NFX1: variants seen among roughly 807,000 people sequenced by gnomAD.
The protein encoded by NFX1 is nuclear transcription factor, X-box binding 1.
A neutral mutation model predicts 137.2 loss-of-function variants in NFX1; 69 were observed. That is an observed-to-expected ratio of 0.50 (90% confidence interval 0.41 to 0.61). NFX1 has a LOEUF of 0.61. NFX1 is among the 20% of genes least tolerant of loss of function. NFX1 has a pLI of 0.00. For missense variants in NFX1, 1,167 were observed against 1,391.0 expected, an observed-to-expected ratio of 0.84 and a Z score of 2.56; for synonymous variants, 495 against 474.1, an observed-to-expected ratio of 1.04 and a Z score of -0.57.
intron 9 of NFX1, among the ~76,000 whole-genome samples, chr9:33,320,637 A>G (rs181886509): frequency 6.6e-6 from 1 of 152,346 alleles, no homozygotes; most frequent in East Asian, 1.9e-4. Flanking sequence ...TACTGAGCCT[A>G]TCTGACTCAG....
chr9:33,346,987 A>T, intron 14 of NFX1, 51 bp from the exon 15 acceptor site: 1 of 1,460,330 alleles, frequency 6.8e-7, no homozygotes, highest in Non-Finnish European at 9.6e-7. Context: ...ATAATGGTTT[A>T]CATGGCTTTA....
intron 11 of NFX1, among the ~76,000 whole-genome samples, chr9:33,333,098 G>A (rs588676): frequency 0.025 from 3,842 of 152,202 alleles, 168 homozygotes; most frequent in African/African-American, 0.087. Context: ...CACCCGCCTC[G>A]GCCTCCCAAA....
chr9:33,295,701 A>G (rs995491658), intron 2 of NFX1, among the ~76,000 whole-genome samples: 1 of 152,228 alleles, frequency 6.6e-6, no homozygotes, highest in African/African-American at 2.4e-5. Flanking sequence ...TCAAAAATGC[A>G]AATACGGGTG....
At chr9:33,303,445 C>T (rs1241686487) in intron 4 of NFX1, among the ~76,000 whole-genome samples, 177 bp downstream of exon 4, 2 of 152,166 alleles carry the variant, frequency 1.3e-5, no homozygotes, top group Admixed American at 1.3e-4. Flanking sequence ...CCTTTGTGCT[C>T]CTGGCAAGCT....
At chr9:33,324,774 A>T (rs1822515354) in intron 9 of NFX1, among the ~76,000 whole-genome samples, 1 of 151,680 alleles carries the variant, frequency 6.6e-6, no homozygotes, top group Non-Finnish European at 1.5e-5. Context: ...ATATACAAAA[A>T]AAAAATTAGC....
In NFX1 at chr9:33,307,357, C is replaced by G. The variant is rs1038111355; in HGVS notation, c.1376+58C>G. ...TGGTGGACATGCTTTGCTGGTGGCT[C>G]TAAGTAAACATACCTGGTTAGCATG... is the stretch of plus-strand genomic sequence containing the variant. On this transcript the variant is annotated intron_variant, in intron 5 of 23. Coordinates refer to ENST00000379540, the MANE Select transcript of NFX1 (RefSeq NM_002504.6). 4.9e-6 allele frequency: 7 copies of G among 1,414,764 alleles called. No homozygotes were observed. The African/African-American group carries it at 5.6e-5, about 11-fold the overall frequency. 87.6% of individuals were successfully genotyped at this position (1,414,764 alleles called of 1,614,324 possible). A position where few individuals can be genotyped will look rare whatever the true frequency, so the allele number is the denominator to read the frequency against.
intron 23 of NFX1, among the ~76,000 whole-genome samples, chr9:33,368,982 C>G (rs1486988361): frequency 6.6e-6 from 1 of 152,208 alleles, no homozygotes; most frequent in South Asian, 2.1e-4. Context: ...GGGGTTTTCT[C>G]AGAAACTGCC....
At chr9:33,329,348 C>T (rs1396433122) in intron 10 of NFX1, among the ~76,000 whole-genome samples, 1 of 152,186 alleles carries the variant, frequency 6.6e-6, no homozygotes. Flanking sequence ...TGGCTAATCT[C>T]AGTCTCCAGT....
intron 7 of NFX1, among the ~76,000 whole-genome samples, chr9:33,314,831 G>A (rs1328468330): frequency 1.3e-5 from 2 of 152,074 alleles, no homozygotes; most frequent in East Asian, 3.8e-4. Context: ...TCTTGTTTTG[G>A]GTGGTGGTCA....
intron 11 of NFX1, among the ~76,000 whole-genome samples, chr9:33,336,829 C>T (rs1823022342): frequency 6.6e-6 from 1 of 152,238 alleles, no homozygotes; most frequent in Non-Finnish European, 1.5e-5. Flanking sequence ...GGGCTGGGCG[C>T]AGTAGCTCAC....
intron 14 of NFX1, among the ~76,000 whole-genome samples, chr9:33,344,846 CA>C (rs1823356566): frequency 1.4e-5 from 2 of 145,846 alleles, no homozygotes; most frequent in African/African-American, 5.1e-5. Flanking sequence ...AGCCTGGCGA[CA>C]GACCAAGACT....
At chr9:33,322,739 G>T (rs1298093796) in intron 9 of NFX1, among the ~76,000 whole-genome samples, 1 of 152,160 alleles carries the variant, frequency 6.6e-6, no homozygotes, top group Non-Finnish European at 1.5e-5. Context: ...GCGAGAGACA[G>T]TTCATAACAA....
At chr9:33,335,232 T>TC (rs1822957011) in intron 11 of NFX1, among the ~76,000 whole-genome samples, 2 of 140,106 alleles carry the variant, frequency 1.4e-5, no homozygotes, top group South Asian at 4.4e-4. Flanking sequence ...TTTTTCTTTT[T>TC]TTTTTTTTTT....
intron 13 of NFX1, 109 bp downstream of exon 13, chr9:33,342,963 C>T: frequency 2.8e-6 from 2 of 710,918 alleles, no homozygotes; most frequent in Non-Finnish European, 4.6e-6. Flanking sequence ...TGAACTAAGC[C>T]TTCGTATTTC....
Position 33,292,611 on chromosome 9 carries a change from A to G in NFX1, c.26-1809A>G, listed in dbSNP as rs572123783. 7.2e-5 allele frequency among the ~76,000 whole-genome samples: 11 copies of G among 152,272 alleles called. No homozygotes were observed. The South Asian group carries it at 1.0e-3, about 14-fold the overall frequency. ...TTTGCCATGGCCAGTTTCCTGATCA[A>G]TGTGTCCTGTTTCCCTTCCTCATGT... On this transcript the variant is annotated intron_variant, in intron 1 of 23. Transcript: ENST00000379540.
At chr9:33,335,847 A>G (rs929215083) in intron 11 of NFX1, among the ~76,000 whole-genome samples, 7 of 152,226 alleles carry the variant, frequency 4.6e-5, no homozygotes, top group African/African-American at 1.7e-4. Context: ...TTCTAAGTTT[A>G]TCATACTGTA....
rs752676329 is a variant in NFX1, at chr9:33,318,742, G to A, written c.1600G>A (p.Gly534Ser). 8 of 1,613,986 alleles carry A rather than the reference G, an allele frequency of 5.0e-6. No individual in the cohort carries two copies. Among genetic ancestry groups the A allele is most frequent in the African/African-American group, 1.3e-5 (1 of 74,978 alleles). Reference sequence around the variant, plus strand: ...ATTTTCTCTTCAAGTATGCTATTGCGGCAGCACCTCCCGAGATGTGTTATG... The same window carrying A: ...ATTTTCTCTTCAAGTATGCTATTGCAGCAGCACCTCCCGAGATGTGTTATG... ...QIILNQVCYCGSTSRDVLCGT... is the reference protein window; with the variant it reads ...QIILNQVCYCSSTSRDVLCGT... The change falls in exon 8 of 24, where the codon GGC becomes AGC. Residue 534 changes from glycine to serine, a missense_variant. By Grantham distance (56) the Gly-to-Ser change is moderately conservative (BLOSUM62 0). Coordinates refer to ENST00000379540, the MANE Select transcript of NFX1 (RefSeq NM_002504.6).
At chr9:33,369,802 T>G (rs1239395938) in intron 23 of NFX1, 104 bp from the exon 24 acceptor site, 2 of 824,408 alleles carry the variant, frequency 2.4e-6, no homozygotes, top group African/African-American at 1.7e-5. Flanking sequence ...AAATAAATGT[T>G]TAAGATTCAC....
At chr9:33,361,327 A>T (rs1823979272) in intron 19 of NFX1, among the ~76,000 whole-genome samples, 1 of 152,176 alleles carries the variant, frequency 6.6e-6, no homozygotes, top group African/African-American at 2.4e-5. Flanking sequence ...TTTTTATTAA[A>T]TAAAAATGGT....
Sources: gnomAD v4.1 joint callset for allele counts (sites outside exome capture counted in the v4.1 genomes callset) on GRCh38, gnomAD v4.1.1 for gene constraint, MANE v1.5 for transcripts, NCBI Gene and HGNC (gene_info 2026-07-23, HGNC 2026-07-21) for gene names.